Variants in KIF27 observed in about 807,000 individuals in gnomAD.
The protein encoded by KIF27 is kinesin-like protein KIF27.
KIF27 carries 84 observed loss-of-function variants against 141.8 expected under a neutral mutation model. The ratio of observed to expected loss-of-function variants is 0.59; its 90% CI spans 0.50 to 0.71. The LOEUF (loss-of-function observed/expected upper bound fraction) is 0.71. KIF27 is among the 30% of genes least tolerant of loss of function. KIF27 has a pLI of 0.00. For missense variants in KIF27, 1,306 were observed against 1,628.4 expected (o/e 0.80, Z 3.41); for synonymous variants, 471 against 569.5 (o/e 0.83, Z 2.46).
At chr9:83,880,984 C>T (rs1336380426) in intron 10 of KIF27, among the ~76,000 whole-genome samples, 5 of 151,854 alleles carry the variant, frequency 3.3e-5, no homozygotes, top group African/African-American at 1.2e-4. Context: ...TCCCTTTTTT[C>T]CTACTTATCT....
chr9:83,894,470 T>C (rs554638331), intron 5 of KIF27, among the ~76,000 whole-genome samples: 3 of 152,342 alleles, frequency 2.0e-5, no homozygotes, highest in Admixed American at 2.0e-4. Flanking sequence ...ACTCTGATTA[T>C]ACTGACTCAC....
intron 13 of KIF27, among the ~76,000 whole-genome samples, chr9:83,866,418 G>A (rs971030547): frequency 5.9e-5 from 9 of 152,130 alleles, no homozygotes; most frequent in Non-Finnish European, 1.5e-5. Flanking sequence ...CTTCTGTTCT[G>A]CTAAGTTAAT....
rs549854613 is a variant in KIF27 at position 83,905,263 on chromosome 9, C to T, written c.500-1245G>A. Among the ~76,000 whole-genome samples, 6 of 152,160 alleles carry T rather than the reference C, an allele frequency of 3.9e-5. No homozygotes were observed. The South Asian group carries it at 8.3e-4, about 21-fold the overall frequency. ...CCTCCTGAGTAGCTGGGATTACAGG[C>T]GCCCACCACCACGCCTGGCTAATTT... On this transcript the variant is annotated intron_variant, in intron 3 of 17. Transcript: ENST00000297814.
At chr9:83,901,761 T>C (rs979623739) in intron 4 of KIF27, among the ~76,000 whole-genome samples, 3 of 152,084 alleles carry the variant, frequency 2.0e-5, no homozygotes, top group African/African-American at 7.2e-5. Context: ...TAGTCCCAGA[T>C]ACTCGGGAGG....
Position 83,903,138 on chromosome 9 carries a change from G to A in KIF27, c.1380C>T (p.Ile460=), listed in dbSNP as rs375423464. Residue 460 remains isoleucine (I), a synonymous_variant, in exon 4 of 18, where the codon ATC becomes ATT. Transcript: ENST00000297814. ...CTTCTTCCAGACTTGCAGTGCCTCCGATTCCTCGAAATGAGGTGAGGACAG... is the reference window on the plus strand; with the variant it reads ...CTTCTTCCAGACTTGCAGTGCCTCCAATTCCTCGAAATGAGGTGAGGACAG... ...RKAVLTSFRG[I]GGTASLEEGP... The A allele has an allele frequency of 2.2e-5, 35 of 1,613,984 alleles. No individual in the cohort carries two copies. The Middle Eastern group carries it at 4.9e-4, about 23-fold the overall frequency.
chr9:83,886,950 A>G, intron 9 of KIF27, 91 bp downstream of exon 9: 3 of 1,389,360 alleles, frequency 2.2e-6, no homozygotes, highest in Non-Finnish European at 2.8e-6. Flanking sequence ...GATAGACCTG[A>G]GCTTCAAAAA....
At chr9:83,891,725 CAA>C (rs976294026) in intron 5 of KIF27, among the ~76,000 whole-genome samples, 13 of 152,108 alleles carry the variant, frequency 8.5e-5, no homozygotes, top group Non-Finnish European at 1.6e-4. Context: ...CCAAAAAAGT[CAA>C]AAGTCAAATA....
At position 83,848,130 on chromosome 9, in the gene KIF27, CTCATATATGATATATCTGATATA is replaced by C. The variant is rs1564284190; in HGVS notation, c.3556+1946_3556+1968del. Among the ~76,000 whole-genome samples the C allele has an allele frequency of 1.7e-3, 34 of 19,770 alleles. 7 individuals are homozygous for C. Among genetic ancestry groups the C allele is most frequent in the South Asian group, 3.0e-3 (2 of 668 alleles). The allele number at this position is 19,770 out of a possible 152,430, so 13.0% of individuals were successfully genotyped here. A position where few individuals can be genotyped will look rare whatever the true frequency, so the allele number is the denominator to read the frequency against. ...ATCTCATATCTGATATATCTGATAT[CTCATATATGATATATCTGATATA>C]TCATATATGATATATCTGATATATC... On this transcript the variant is annotated intron_variant, in intron 16 of 17. Transcript: ENST00000297814.
At chr9:83,875,064 G>A (rs1034776922) in intron 11 of KIF27, among the ~76,000 whole-genome samples, 10 of 151,966 alleles carry the variant, frequency 6.6e-5, no homozygotes, top group Non-Finnish European at 1.5e-4. Context: ...TGGATTTAGA[G>A]AGTGCTATGT....
chr9:83,875,291 A>G (rs1564351990), intron 11 of KIF27, among the ~76,000 whole-genome samples: 1 of 152,256 alleles, frequency 6.6e-6, no homozygotes, highest in African/African-American at 2.4e-5. Flanking sequence ...AGAAAGACGC[A>G]AGAGCCAATG....
intron 2 of KIF27, among the ~76,000 whole-genome samples, chr9:83,914,468 G>T (rs1955500530): frequency 6.6e-6 from 1 of 151,552 alleles, no homozygotes; most frequent in Non-Finnish European, 1.5e-5. Flanking sequence ...AATGAGAGAA[G>T]TTTCTTTTTT....
intron 15 of KIF27, among the ~76,000 whole-genome samples, chr9:83,852,977 C>G (rs1948782887): frequency 6.6e-6 from 1 of 152,250 alleles, no homozygotes; most frequent in African/African-American, 2.4e-5. Context: ...ATTGAATGTA[C>G]TTTTCAGAGA....
chr9:83,912,488 C>G (rs879036590), intron 2 of KIF27, among the ~76,000 whole-genome samples: 2 of 152,106 alleles, frequency 1.3e-5, no homozygotes, highest in African/African-American at 2.4e-5. Context: ...CTTTCAAACT[C>G]TAGTATAGAT....
At chr9:83,920,784 G>A (rs1418192733) in intron 1 of KIF27, among the ~76,000 whole-genome samples, 1 of 152,118 alleles carries the variant, frequency 6.6e-6, no homozygotes, top group African/African-American at 2.4e-5. Flanking sequence ...TGCCTCCGAG[G>A]GAGGGAGCTC....
At chr9:83,848,072 TATATG>T (rs1489651232) in intron 16 of KIF27, among the ~76,000 whole-genome samples, 3 of 105,572 alleles carry the variant, frequency 2.8e-5, no homozygotes, top group East Asian at 2.4e-4. Context: ...ATATATATGA[TATATG>T]ATATATCATA....
At chr9:83,839,665 C>G (rs902632458) in intron 17 of KIF27, among the ~76,000 whole-genome samples, 1 of 152,202 alleles carries the variant, frequency 6.6e-6, no homozygotes, top group African/African-American at 2.4e-5. Context: ...TCAAAACCCA[C>G]TGAACCACCG....
At chr9:83,848,470 G>C (rs1380864147) in intron 16 of KIF27, among the ~76,000 whole-genome samples, 1 of 137,414 alleles carries the variant, frequency 7.3e-6, no homozygotes, top group Non-Finnish European at 1.5e-5. Context: ...ATATCTATAT[G>C]TATATATACA....
chr9:83,841,269 C>T (rs1349347550), intron 17 of KIF27, among the ~76,000 whole-genome samples: 1 of 152,166 alleles, frequency 6.6e-6, no homozygotes, highest in Non-Finnish European at 1.5e-5. Context: ...CGGGGTTTCA[C>T]CATGTTGGTC....
chr9:83,876,259 A>C (rs1412529839), intron 11 of KIF27, among the ~76,000 whole-genome samples: 2 of 152,166 alleles, frequency 1.3e-5, no homozygotes, highest in East Asian at 3.8e-4. Context: ...AATTAAACTC[A>C]TACTCTTCAC....
Sources: allele counts gnomAD v4.1 joint callset (sites outside exome capture counted in the v4.1 genomes callset), GRCh38; gene constraint gnomAD v4.1.1; transcripts MANE v1.5; gene names NCBI Gene and HGNC (gene_info 2026-07-23, HGNC 2026-07-21).